Variants in EED observed in about 807,000 individuals in gnomAD.
The protein encoded by EED is polycomb protein EED.
In EED, 9 loss-of-function variants were observed where a neutral mutation model predicts 61.0. The ratio of observed to expected loss-of-function variants is 0.15; its 90% CI spans 0.09 to 0.26. The LOEUF is 0.26. Among genes scored for constraint, EED ranks in the 10% least tolerant of loss-of-function variants. The pLI is 1.00. For synonymous variants in EED, 187 were observed against 174.4 expected, an observed-to-expected ratio of 1.07 and a Z score of -0.57; for missense variants, 315 against 542.3, an observed-to-expected ratio of 0.58 and a Z score of 4.16.
the EED span, chr11:86,284,741 G>C: frequency 6.6e-6 from 1 of 152,218 alleles, no homozygotes; most frequent in Non-Finnish European, 1.5e-5. Flanking sequence ...AGGAACACAG[G>C]ATTCTATCGG....
At chr11:86,275,179 T>G (rs1054577254) in intron 9 of EED, among the ~76,000 whole-genome samples, 1 of 152,204 alleles carries the variant, frequency 6.6e-6, no homozygotes, top group African/African-American at 2.4e-5. Flanking sequence ...TTGTTTGCCT[T>G]TTCTCTACCT....
chr11:86,245,297 T>C lies in EED; in HGVS notation c.68T>C (p.Leu23Pro). ...ATGCCTGCGGCCAAGAAGCAGAAGC[T>C]GAGCAGTGACGAGAACAGCAATCCA... is the stretch of plus-strand genomic sequence containing the variant. ...TDMPAAKKQK[L>P]SSDENSNPDL... is the part of the protein sequence containing the mutation. The change falls in exon 1 of 12, where the codon CTG becomes CCG. Residue 23 changes from leucine (L) to proline (P), a missense_variant. Leu to Pro is a moderately conservative substitution (Grantham distance 98). This residue lies in a region of EED where 110 missense variants were observed against 86.9 expected (regional missense o/e 1.27). Coordinates refer to ENST00000263360, the MANE Select transcript of EED (RefSeq NM_003797.5). The C allele has an allele frequency of 6.2e-7, 1 of 1,613,454 alleles. No individual in the cohort carries two copies.
the EED span, among the ~76,000 whole-genome samples, chr11:86,285,294 CCTGTAGTCCCAG>C: frequency 6.6e-6 from 1 of 152,018 alleles, no homozygotes; most frequent in African/African-American, 2.4e-5. Flanking sequence ...GTAGTGTGCA[CCTGTAGTCCCAG>C]CTACTAGGGA....
intron 9 of EED, among the ~76,000 whole-genome samples, chr11:86,269,540 T>G (rs1210475157): frequency 2.0e-5 from 3 of 152,214 alleles, no homozygotes; most frequent in Non-Finnish European, 4.4e-5. Flanking sequence ...TGTTTTTTTC[T>G]TTTTTCTTTA....
Position 86,252,180 on chromosome 11 carries a change from G to T in EED, c.300G>T (p.Gln100His). ...ATAACCAACCATTGTTTGGAGTTCAGTTTAACTGGCACAGTAAAGAAGGAG... is the reference window on the plus strand; with the variant it reads ...ATAACCAACCATTGTTTGGAGTTCATTTTAACTGGCACAGTAAAGAAGGAG... ...EDHNQPLFGVQFNWHSKEGDP... is the reference protein window; with the variant it reads ...EDHNQPLFGVHFNWHSKEGDP... The change falls in exon 3 of 12, where the codon CAG (glutamine) becomes CAT (histidine). Residue 100 changes from glutamine to histidine, a missense_variant. Transcript: ENST00000263360. 1 of 1,612,028 alleles carries T rather than the reference G, an allele frequency of 6.2e-7. No individual in the cohort carries two copies. The highest frequency in any genetic ancestry group is 8.5e-7 in the Non-Finnish European group (1 of 1,178,668).
At chr11:86,286,743 C>T in the EED span, among the ~76,000 whole-genome samples, 5 of 151,954 alleles carry the variant, frequency 3.3e-5, no homozygotes, top group East Asian at 3.9e-4. Flanking sequence ...GAGGCCGAGG[C>T]GGGCAGATCA....
chr11:86,284,250 C>G, the EED span: 2 of 152,208 alleles, frequency 1.3e-5, no homozygotes, highest in African/African-American at 2.4e-5. Flanking sequence ...TGTGGAAGTT[C>G]CTGGGTTTTG....
rs774805314 is a variant in EED, at chr11:86,257,526, C to T, written c.564C>T (p.Gly188=). Residue 188 remains glycine (G), a synonymous_variant, in exon 6 of 12, where the codon GGC becomes GGT. Coordinates refer to ENST00000263360, the MANE Select transcript of EED (RefSeq NM_003797.5). The stretch of plus-strand genomic sequence containing the variant: ...TAAATTTATTGTAGCACTATGTTGG[C>T]CATGGAAATGCTATCAATGAGCTGA... ...ITMQCIKHYV[G]HGNAINELKF... The T allele has an allele frequency of 9.3e-6, 15 of 1,610,554 alleles. No homozygotes were observed. Among genetic ancestry groups the T allele is most frequent in the Non-Finnish European group, 1.3e-5 (15 of 1,178,462 alleles).
chr11:86,273,522 A>G (rs1946164742), intron 9 of EED, among the ~76,000 whole-genome samples: 2 of 152,150 alleles, frequency 1.3e-5, no homozygotes, highest in Non-Finnish European at 2.9e-5. Context: ...GATAAATTCA[A>G]ATCTTCTTAA....
chr11:86,259,392 T>TG (rs34800211), intron 6 of EED, among the ~76,000 whole-genome samples: 62,076 of 151,700 alleles, frequency 0.41, 12,808 homozygotes, highest in East Asian at 0.51. Flanking sequence ...TCACCCAGGT[T>TG]GAGTGCAGTG....
downstream of EED, among the ~76,000 whole-genome samples, chr11:86,281,101 G>A (rs1037924636): frequency 4.6e-5 from 7 of 152,134 alleles, no homozygotes; most frequent in South Asian, 2.1e-4. Flanking sequence ...TTGTATTTAC[G>A]TTCATCAGGG....
chr11:86,283,250 G>A (rs1946343189), downstream of EED, among the ~76,000 whole-genome samples: 1 of 152,046 alleles, frequency 6.6e-6, no homozygotes, highest in Non-Finnish European at 1.5e-5. Flanking sequence ...AAGCTCTATG[G>A]CTGAGGGTTG....
rs565528782 is a variant in EED, at chr11:86,245,109, G to T, written c.-121G>T. 1 of 692,176 alleles carries T rather than the reference G, an allele frequency of 1.4e-6. No individual in the cohort carries two copies. The highest frequency in any genetic ancestry group is 2.4e-6 in the Non-Finnish European group (1 of 420,064). The allele number at this position is 692,176 out of a possible 1,614,324, so 42.9% of individuals were successfully genotyped here. On this transcript the variant is annotated 5_prime_UTR_variant, in exon 1 of 12. Coordinates refer to ENST00000263360, the MANE Select transcript of EED (RefSeq NM_003797.5). ...TGGGCGCGATTTGCGACAGTGGGGGGGGCGGTGGAGGTGGCGGCGGCAGCG... is the reference window on the plus strand; with the variant it reads ...TGGGCGCGATTTGCGACAGTGGGGGTGGCGGTGGAGGTGGCGGCGGCAGCG...
Position 86,266,175 on chromosome 11 carries a change from A to G in EED, c.819A>G (p.Ala273=), listed in dbSNP as rs1945971661. ...WRINSKRMMN[A]IKESYDYNPN... is the part of the protein sequence containing the mutation. ...TCAATTCAAAGAGAATGATGAATGC[A>G]ATTAAGGAATCTTATGATTATAATC... The change falls in exon 8 of 12, where the codon GCA becomes GCG. Residue 273 remains alanine, a synonymous_variant. Coordinates refer to ENST00000263360, the MANE Select transcript of EED (RefSeq NM_003797.5). 1 of 1,604,366 alleles carries G rather than the reference A, an allele frequency of 6.2e-7. No homozygotes were observed. The highest frequency in any genetic ancestry group is 1.7e-5 in the Admixed American group (1 of 59,530).
chr11:86,257,074 T>A (rs1270167067), intron 5 of EED, among the ~76,000 whole-genome samples: 1 of 151,818 alleles, frequency 6.6e-6, no homozygotes, highest in Non-Finnish European at 1.5e-5. Context: ...TTCTGACTCC[T>A]TTGCCCGGGC....
the EED span, chr11:86,283,856 A>AG: frequency 7.0e-6 from 1 of 142,162 alleles, no homozygotes; most frequent in African/African-American, 3.1e-5. Flanking sequence ...AGATCCAGAA[A>AG]AAAAAAAAAA....
At chr11:86,266,305 A>G (rs1945976551) in intron 8 of EED, 89 bp downstream of exon 8, 1 of 1,206,274 alleles carries the variant, frequency 8.3e-7, no homozygotes, top group African/African-American at 1.6e-5. Flanking sequence ...ATAAGCCCCA[A>G]CAATGAGTTT....
intron 7 of EED, 130 bp downstream of exon 7, chr11:86,264,393 T>A (rs955642140): frequency 5.2e-6 from 3 of 582,206 alleles, no homozygotes; most frequent in African/African-American, 3.7e-5. Context: ...ACATTTGACA[T>A]AGAAGATTTT....
In EED at chr11:86,244,800, CG is replaced by C. The variant is rs1306873796; in HGVS notation, c.-427del. On this transcript the variant is annotated 5_prime_UTR_variant, in exon 1 of 12. Coordinates refer to ENST00000263360, the MANE Select transcript of EED (RefSeq NM_003797.5). ...AGCAGCGGGTCGGAGATCGAAGGAA[CG>C]GGCCAATTGCGGCTGAAACGTCTTT... The C allele has an allele frequency of 4.2e-6, 1 of 235,334 alleles. No homozygotes were observed. Among genetic ancestry groups the C allele is most frequent in the African/African-American group, 2.2e-5 (1 of 45,074 alleles). The allele number at this position is 235,334 out of a possible 1,614,324, so 14.6% of individuals were successfully genotyped here.
Sources: gnomAD v4.1 joint callset for allele counts (sites outside exome capture counted in the v4.1 genomes callset) on GRCh38, gnomAD v4.1.1 for gene constraint, gnomAD v4.1.1 regional missense constraint, MANE v1.5 for transcripts, NCBI Gene and HGNC (gene_info 2026-07-23, HGNC 2026-07-21) for gene names.